PAOX: variants seen among roughly 807,000 people sequenced by gnomAD.
PAOX encodes the protein polyamine oxidase.
A neutral mutation model predicts 39.0 loss-of-function variants in PAOX; 38 were observed. The observed-to-expected ratio is 0.97, with a 90% CI of 0.75 to 1.28. The LOEUF is 1.28. PAOX is among the 50% of genes most tolerant of loss of function. The probability of loss-of-function intolerance (pLI) is 0.00; values close to 1 mark genes in which losing one functional copy is unlikely to be tolerated. For missense variants in PAOX, 667 were observed against 685.7 expected (o/e 0.97, Z 0.30); for synonymous variants, 311 against 314.4 (o/e 0.99, Z 0.11).
chr10:133,382,975 G>A (rs1031932273), intron 3 of PAOX: 6 of 152,062 alleles, frequency 3.9e-5, no homozygotes, highest in East Asian at 1.9e-4. Context: ...TGCTGATCAC[G>A]GGGACATTGT....
intron 4 of PAOX, among the ~76,000 whole-genome samples, chr10:133,385,103 C>T (rs1256303018): frequency 6.6e-6 from 1 of 152,092 alleles, no homozygotes; most frequent in East Asian, 1.9e-4. Flanking sequence ...CGAGACCAGC[C>T]TGGCCAACAT....
chr10:133,389,070 T>G lies in PAOX; in HGVS notation c.1234+2T>G, dbSNP rs559924592. On this transcript the variant is annotated splice_donor_variant, in intron 5 of 6. Coordinates refer to ENST00000278060, the MANE Select transcript of PAOX (RefSeq NM_152911.4). LOFTEE classifies it high-confidence loss of function. ...CCCAAGTGCTCCGGAGAGTGACAGG[T>G]AGGTACTCACCACACACGCTGGTTC... 1 of 1,602,504 alleles carries G rather than the reference T, an allele frequency of 6.2e-7. No individual in the cohort carries two copies. Among genetic ancestry groups the G allele is most frequent in the Admixed American group, 1.7e-5 (1 of 59,998 alleles).
intron 3 of PAOX, among the ~76,000 whole-genome samples, chr10:133,382,453 T>C (rs1849413165): frequency 6.6e-6 from 1 of 152,214 alleles, no homozygotes; most frequent in Non-Finnish European, 1.5e-5. Context: ...ACCCCATTGC[T>C]GTTTCCCAGA....
Position 133,379,492 on chromosome 10 carries a change from G to T in PAOX, c.176G>T (p.Cys59Phe). 8.2e-7 allele frequency: 1 copy of T among 1,225,474 alleles called. No homozygotes were observed. The highest frequency in any genetic ancestry group is 1.0e-6 in the Non-Finnish European group (1 of 984,060). The allele number at this position is 1,225,474 out of a possible 1,614,324, so 75.9% of individuals were successfully genotyped here. ...RAGGRIRSERCFGGVVEVGAH... is the reference protein window; with the variant it reads ...RAGGRIRSERFFGGVVEVGAH... ...GGGGGCCGCATCCGCTCGGAGCGCT[G>T]CTTCGGTAACCGCCCCTCCCGGAGC... Residue 59 changes from cysteine to phenylalanine, a missense_variant, in exon 1 of 7, where the codon TGC (cysteine) becomes TTC (phenylalanine). Physicochemically the swap from Cys to Phe is radical, Grantham distance 205. Transcript: ENST00000278060.
chr10:133,387,865 T>G (rs954427108), intron 4 of PAOX, among the ~76,000 whole-genome samples: 1 of 152,172 alleles, frequency 6.6e-6, no homozygotes, highest in Admixed American at 6.5e-5. Context: ...GGACTACAGG[T>G]GCCCGCCACC....
intron 5 of PAOX, 44 bp downstream of exon 5, chr10:133,389,112 C>T (rs372406962): frequency 7.0e-7 from 1 of 1,438,560 alleles, no homozygotes; most frequent in East Asian, 2.3e-5. Context: ...CTGCTCGTTA[C>T]TGGTTGATCT....
rs1378730573 is a variant in PAOX at position 133,384,337 on chromosome 10, T to C, written c.1121+125T>C. 3 of 1,422,736 alleles carry C rather than the reference T, an allele frequency of 2.1e-6. No homozygotes were observed. The highest frequency in any genetic ancestry group is 2.3e-5 in the East Asian group (1 of 43,366). The allele number at this position is 1,422,736 out of a possible 1,614,324, so 88.1% of individuals were successfully genotyped here. Reference sequence around the variant, plus strand: ...GGGGGTTTAATGGGTAGGGTTCCCATGAGCGCCCCCCCACCAGGTGCTGGC... The same window carrying C: ...GGGGGTTTAATGGGTAGGGTTCCCACGAGCGCCCCCCCACCAGGTGCTGGC... On this transcript the variant is annotated intron_variant, in intron 4 of 6. Coordinates refer to ENST00000278060, the MANE Select transcript of PAOX (RefSeq NM_152911.4). The surrounding 1 kb of genome is among the most constrained non-coding windows in gnomAD (Gnocchi z 4.3).
intron 3 of PAOX, 63 bp downstream of exon 3, chr10:133,381,722 C>G: frequency 3.9e-6 from 6 of 1,554,340 alleles, no homozygotes; most frequent in Non-Finnish European, 5.3e-6. Flanking sequence ...CTTACCCTGC[C>G]TCAGTTGGCT....
chr10:133,391,356 C>T lies in PAOX; in HGVS notation c.1437C>T (p.Tyr479=), dbSNP rs1487181008. The change falls in exon 7 of 7, where the codon TAC becomes TAT. Residue 479 remains tyrosine (Y), a synonymous_variant. Transcript: ENST00000278060. ...FAGEATHRTF[Y]STTHGALLSG... ...GGGAAGCCACACATCGCACGTTTTA[C>T]TCCACGACGCACGGGGCTCTGCTGT... The T allele has an allele frequency of 3.1e-6, 5 of 1,613,512 alleles. No homozygotes were observed. The highest frequency in any genetic ancestry group is 4.2e-6 in the Non-Finnish European group (5 of 1,180,052).
chr10:133,391,199 T>G, intron 6 of PAOX, 113 bp from the exon 7 acceptor site: 145 of 1,059,654 alleles, frequency 1.4e-4, no homozygotes, highest in Non-Finnish European at 2.0e-4. Context: ...TGGAGGTGTG[T>G]GAGCTGTTTT....
intron 4 of PAOX, among the ~76,000 whole-genome samples, chr10:133,388,414 T>C (rs1849581956): frequency 6.6e-6 from 1 of 152,232 alleles, no homozygotes; most frequent in Non-Finnish European, 1.5e-5. Flanking sequence ...CTAAGGATAA[T>C]GGCCTCCAGC....
chr10:133,389,559 T>G (rs760059428), intron 5 of PAOX, 31 bp from the exon 6 acceptor site: 1 of 1,613,372 alleles, frequency 6.2e-7, no homozygotes, highest in Non-Finnish European at 8.5e-7. Flanking sequence ...GTGAGAGTTC[T>G]CGGTTAACAT....
chr10:133,384,250 C>A lies in PAOX; in HGVS notation c.1121+38C>A. The A allele has an allele frequency of 6.2e-7, 1 of 1,603,140 alleles. No individual in the cohort carries two copies. Among genetic ancestry groups the A allele is most frequent in the South Asian group, 1.1e-5 (1 of 90,018 alleles). On this transcript the variant is annotated intron_variant, in intron 4 of 6. Transcript: ENST00000278060. This position sits in a 1 kb window ranked among gnomAD's most constrained non-coding sequence, Gnocchi z 4.3. ...CCTGAGAAGTTCTGCGAGTGGCTGGCTCATAGGCCTTCATCTGATGGAGGA... is the reference window on the plus strand; with the variant it reads ...CCTGAGAAGTTCTGCGAGTGGCTGGATCATAGGCCTTCATCTGATGGAGGA...
intron 6 of PAOX, chr10:133,390,846 TGA>T: frequency 1.7e-6 from 1 of 590,394 alleles, no homozygotes; most frequent in Non-Finnish European, 3.1e-6. Context: ...TCCCCATATG[TGA>T]TCCAGGAGTT....
At chr10:133,390,997 C>T (rs967421767) in intron 6 of PAOX, 20 of 699,738 alleles carry the variant, frequency 2.9e-5, no homozygotes, top group Admixed American at 2.6e-4. Context: ...TTGGTGGATG[C>T]GTGTGAGCCG....
At chr10:133,390,410 CCACACACACACA>C (rs59249557) in intron 6 of PAOX, among the ~76,000 whole-genome samples, 205 of 145,430 alleles carry the variant, frequency 1.4e-3, no homozygotes, top group African/African-American at 4.8e-3. Flanking sequence ...GAGTCGGTCT[CCACACACACACA>C]CACACACACA....
intron 5 of PAOX, 93 bp from the exon 6 acceptor site, chr10:133,389,497 A>G: frequency 6.5e-7 from 1 of 1,547,582 alleles, no homozygotes; most frequent in Non-Finnish European, 8.9e-7. Context: ...AGCATCTTTC[A>G]CGTTAAACTG....
chr10:133,390,407 TCTCCA>T (rs1849643067), intron 6 of PAOX, among the ~76,000 whole-genome samples: 1 of 105,328 alleles, frequency 9.5e-6, no homozygotes, highest in South Asian at 3.5e-4. Context: ...TGAGAGTCGG[TCTCCA>T]CACACACACA....
chr10:133,382,400 A>C (rs1849411359), intron 3 of PAOX, among the ~76,000 whole-genome samples: 1 of 152,186 alleles, frequency 6.6e-6, no homozygotes, highest in South Asian at 2.1e-4. Flanking sequence ...TCCTGTCTCC[A>C]AGGGGTGGCT....
Sources: allele counts gnomAD v4.1 joint callset (sites outside exome capture counted in the v4.1 genomes callset), GRCh38; gene constraint gnomAD v4.1.1; non-coding constraint Gnocchi (gnomAD v3.1); transcripts MANE v1.5; gene names NCBI Gene and HGNC (gene_info 2026-07-23, HGNC 2026-07-21).